Variants in CDYL observed in about 807,000 individuals in gnomAD.
CDYL encodes the protein chromodomain Y-like protein.
In CDYL, 8 loss-of-function variants were observed where a neutral mutation model predicts 47.3. The ratio of observed to expected loss-of-function variants is 0.17; its 90% CI spans 0.10 to 0.31. The LOEUF (loss-of-function observed/expected upper bound fraction) is 0.31, where lower values mean the gene tolerates loss of function less well. CDYL is among the 10% of genes least tolerant of loss of function. The pLI, the probability that CDYL is intolerant of heterozygous loss-of-function variation, is 1.00. For synonymous variants in CDYL, 266 were observed against 265.0 expected (o/e 1.00, Z -0.04); for missense variants, 471 against 701.4 (o/e 0.67, Z 3.71).
intron 2 of CDYL, among the ~76,000 whole-genome samples, chr6:4,897,322 C>T (rs1240606115): frequency 1.3e-5 from 2 of 152,268 alleles, no homozygotes; most frequent in African/African-American, 2.4e-5. Context: ...AGCCAACAGA[C>T]CTAGTAGGAA....
intron 2 of CDYL, among the ~76,000 whole-genome samples, chr6:4,722,279 C>G (rs1224235671): frequency 6.6e-6 from 1 of 151,984 alleles, no homozygotes; most frequent in African/African-American, 2.4e-5. Flanking sequence ...CTGGGCAACA[C>G]AGCAGGACCC....
At chr6:4,918,935 TG>T (rs1224426184) in intron 2 of CDYL, among the ~76,000 whole-genome samples, 4 of 152,192 alleles carry the variant, frequency 2.6e-5, no homozygotes, top group African/African-American at 9.6e-5. Flanking sequence ...AGATTAAAAT[TG>T]ACACAGGATT....
intron 1 of CDYL, among the ~76,000 whole-genome samples, chr6:4,836,821 C>T (rs1760328566): frequency 6.6e-6 from 1 of 152,140 alleles, no homozygotes; most frequent in African/African-American, 2.4e-5. Flanking sequence ...GATTCTGGCA[C>T]CTTGATGGAG....
intron 1 of CDYL, among the ~76,000 whole-genome samples, chr6:4,858,971 G>A (rs1227510599): frequency 6.6e-6 from 1 of 152,198 alleles, no homozygotes; most frequent in Non-Finnish European, 1.5e-5. Context: ...CTACCTGCAG[G>A]GGTCTCTGCT....
At chr6:4,834,780 T>G (rs1371590603) in intron 1 of CDYL, among the ~76,000 whole-genome samples, 1 of 151,342 alleles carries the variant, frequency 6.6e-6, no homozygotes, top group Non-Finnish European at 1.5e-5. Flanking sequence ...TTTCTTTTTA[T>G]TTTTTTTTCT....
chr6:4,816,411 T>C (rs958721329), intron 1 of CDYL, among the ~76,000 whole-genome samples: 36 of 152,024 alleles, frequency 2.4e-4, no homozygotes, highest in African/African-American at 8.5e-4. Flanking sequence ...TTTATTTTTA[T>C]TTCCCATCTG....
chr6:4,761,374 T>C (rs1199090425), intron 3 of CDYL, among the ~76,000 whole-genome samples: 6 of 152,170 alleles, frequency 3.9e-5, no homozygotes, highest in African/African-American at 1.4e-4. Flanking sequence ...GACTGAGTCT[T>C]GCTCTGTCAC....
rs138620058 is a variant in CDYL at position 4,881,456 on chromosome 6, G to A, written c.25-10257G>A. 1.7e-3 allele frequency among the ~76,000 whole-genome samples: 253 copies of A among 152,172 alleles called. 2 individuals are homozygous for A. Among genetic ancestry groups the A allele is most frequent in the African/African-American group, 5.7e-3 (236 of 41,512 alleles). ...AACATGAATTACCAGGCTGCATCCC[G>A]GGCCTCAGAAATTCTGTGGGAGAGA... is the stretch of plus-strand genomic sequence containing the variant. On this transcript the variant is annotated intron_variant, in intron 1 of 6. Transcript: ENST00000397588.
chr6:4,911,409 T>A (rs1757411830), intron 2 of CDYL, among the ~76,000 whole-genome samples: 1 of 152,242 alleles, frequency 6.6e-6, no homozygotes, highest in Non-Finnish European at 1.5e-5. Context: ...CGTAGAAGTA[T>A]AACTGTGCAC....
At chr6:4,780,997 T>TA in intron 1 of CDYL, among the ~76,000 whole-genome samples, 1 of 152,336 alleles carries the variant, frequency 6.6e-6, no homozygotes, top group East Asian at 1.9e-4. Context: ...CCTCAGTAGA[T>TA]GTGGAGTTAT....
rs142431903 is a variant in CDYL, at chr6:4,719,698, G to T, written c.103+3817G>T. 9.2e-5 allele frequency among the ~76,000 whole-genome samples: 14 copies of T among 152,254 alleles called. 1 individual carries two copies. In the East Asian group the frequency reaches 2.7e-3, roughly 29 times the overall value. ...TGATAGACTTCAAAGTCAACCATTA[G>T]CACCCAGGATGAGTCATTTTGAATT... is the stretch of plus-strand genomic sequence containing the variant. On this transcript the variant is annotated intron_variant, in intron 2 of 8. Transcript: ENST00000328908.
chr6:4,787,418 A>G (rs1368245800), intron 1 of CDYL, among the ~76,000 whole-genome samples: 1 of 152,176 alleles, frequency 6.6e-6, no homozygotes, highest in Non-Finnish European at 1.5e-5. Context: ...CGGTTGATAG[A>G]TACATATCTA....
At chr6:4,947,002 GCAGGAGAGCCCCCACGT>G (rs1758542911) in intron 5 of CDYL, among the ~76,000 whole-genome samples, 1 of 152,158 alleles carries the variant, frequency 6.6e-6, no homozygotes, top group African/African-American at 2.4e-5. Flanking sequence ...AATCAGTATC[GCAGGAGAGCCCCCACGT>G]CAGTGAATCT....
intron 2 of CDYL, among the ~76,000 whole-genome samples, chr6:4,721,950 C>T (rs1757378096): frequency 6.6e-6 from 1 of 151,946 alleles, no homozygotes; most frequent in Admixed American, 6.6e-5. Context: ...GCAAGCTCCA[C>T]CTCCCGGGTT....
chr6:4,732,290 G>A (rs1176118123), intron 2 of CDYL, among the ~76,000 whole-genome samples: 5 of 151,752 alleles, frequency 3.3e-5, no homozygotes, highest in African/African-American at 1.2e-4. Flanking sequence ...AGCTCTGATT[G>A]TGCCACCGCA....
chr6:4,738,647 A>C (rs989043579), intron 3 of CDYL, among the ~76,000 whole-genome samples: 15 of 152,202 alleles, frequency 9.9e-5, no homozygotes, highest in Admixed American at 3.9e-4. Flanking sequence ...GTGAAAAATG[A>C]GTACAACCTC....
At chr6:4,944,604 A>G (rs1758457632) in intron 5 of CDYL, among the ~76,000 whole-genome samples, 1 of 152,178 alleles carries the variant, frequency 6.6e-6, no homozygotes, top group Non-Finnish European at 1.5e-5. Context: ...GGCCATTCAG[A>G]TCATTGATGC....
Position 4,891,791 on chromosome 6 carries a change from G to A in CDYL, c.103G>A (p.Glu35Lys), listed in dbSNP as rs2127484183. The A allele has an allele frequency of 4.3e-6, 7 of 1,614,116 alleles. No homozygotes were observed. The highest frequency in any genetic ancestry group is 1.7e-5 in the Admixed American group (1 of 60,018). ...GGTTCGGTGGAAAGGCTATGACAGCGAGGACGACACTTGGGAGCCGGAACA... is the reference window on the plus strand; with the variant it reads ...GGTTCGGTGGAAAGGCTATGACAGCAAGGACGACACTTGGGAGCCGGAACA... ...YLVRWKGYDS[E>K]DDTWEPEQHL... The change falls in exon 2 of 7, where the codon GAG (glutamate) becomes AAG (lysine). Residue 35 changes from glutamate to lysine, a missense_variant. By Grantham distance (56) the Glu-to-Lys change is moderately conservative. Around this residue, in one of 3 missense-constraint regions of CDYL, gnomAD observed 311 missense variants for 350.0 expected, o/e 0.89. Coordinates refer to ENST00000397588, the MANE Select transcript of CDYL (RefSeq NM_004824.4).
chr6:4,948,008 A>C (rs1462095527), intron 5 of CDYL, among the ~76,000 whole-genome samples: 1 of 152,168 alleles, frequency 6.6e-6, no homozygotes, highest in South Asian at 2.1e-4. Flanking sequence ...ACCGTACTGC[A>C]CGCACCTGAC....
Sources: gnomAD v4.1 joint callset for allele counts (sites outside exome capture counted in the v4.1 genomes callset) on GRCh38, gnomAD v4.1.1 for gene constraint, gnomAD v4.1.1 regional missense constraint, MANE v1.5 for transcripts, NCBI Gene and HGNC (gene_info 2026-07-23, HGNC 2026-07-21) for gene names.